Variants in ZSWIM6 observed in about 807,000 individuals in gnomAD.
The protein encoded by ZSWIM6 is zinc finger SWIM-type containing 6.
Under a neutral mutation model 113.2 loss-of-function variants are expected in ZSWIM6, and 9 were observed. The ratio of observed to expected loss-of-function variants is 0.08; its 90% CI spans 0.05 to 0.14. The LOEUF (loss-of-function observed/expected upper bound fraction) is 0.14, where lower values mean the gene tolerates loss of function less well. Among genes scored for constraint, ZSWIM6 ranks in the 10% least tolerant of loss-of-function variants. The pLI is 1.00. For missense variants in ZSWIM6, 1,162 were observed against 1,552.2 expected, an observed-to-expected ratio of 0.75 and a Z score of 4.22; for synonymous variants, 611 against 606.5, an observed-to-expected ratio of 1.01 and a Z score of -0.11.
At chr5:61,381,000 G>A (rs953297600) in intron 1 of ZSWIM6, among the ~76,000 whole-genome samples, 1 of 151,908 alleles carries the variant, frequency 6.6e-6, no homozygotes, top group African/African-American at 2.4e-5. Flanking sequence ...TGTAATCCCA[G>A]CACTTTGGGA....
intron 1 of ZSWIM6, among the ~76,000 whole-genome samples, chr5:61,419,001 T>C (rs987314952): frequency 6.6e-6 from 1 of 152,210 alleles, no homozygotes; most frequent in African/African-American, 2.4e-5. Flanking sequence ...TTTGTGTTTT[T>C]AGTAGAGACA....
At chr5:61,476,782 C>T (rs759663637) in intron 2 of ZSWIM6, among the ~76,000 whole-genome samples, 2 of 152,082 alleles carry the variant, frequency 1.3e-5, no homozygotes, top group African/African-American at 4.8e-5. Flanking sequence ...TTAAAGGAGA[C>T]GTATTGTAGA....
intron 2 of ZSWIM6, among the ~76,000 whole-genome samples, chr5:61,485,568 A>G (rs1321141477): frequency 6.6e-6 from 1 of 152,138 alleles, no homozygotes; most frequent in Non-Finnish European, 1.5e-5. Context: ...TGTTTAATCC[A>G]GAAACTCATG....
At chr5:61,413,953 G>A (rs1311444298) in intron 1 of ZSWIM6, among the ~76,000 whole-genome samples, 3 of 151,796 alleles carry the variant, frequency 2.0e-5, no homozygotes, top group Admixed American at 6.6e-5. Flanking sequence ...GGGGTGGGGC[G>A]ACCTGATGTA....
chr5:61,436,200 T>TAAAA (rs566126712), intron 1 of ZSWIM6, among the ~76,000 whole-genome samples: 1 of 121,712 alleles, frequency 8.2e-6, no homozygotes, highest in African/African-American at 3.0e-5. Flanking sequence ...AGACTCTGTC[T>TAAAA]AAAAAAAAAA....
Position 61,545,041 on chromosome 5 carries a change from A to C in ZSWIM6, c.*724A>C, listed in dbSNP as rs1338582987. The C allele has an allele frequency of 6.6e-6, 1 of 151,012 alleles. No individual in the cohort carries two copies. The highest frequency in any genetic ancestry group is 1.5e-5 in the Non-Finnish European group (1 of 67,974). The allele number at this position is 151,012 out of a possible 1,614,324, so 9.4% of individuals were successfully genotyped here. A position where few individuals can be genotyped will look rare whatever the true frequency, so the allele number is the denominator to read the frequency against. On this transcript the variant is annotated 3_prime_UTR_variant, in exon 14 of 14. Coordinates refer to ENST00000252744, the MANE Select transcript of ZSWIM6 (RefSeq NM_020928.2). ...TATAAAAAATATTCTATGTAATGCA[A>C]AATACTTGAAGCTGCAGTAGCTTGG...
chr5:61,412,834 A>C (rs1377087071), intron 1 of ZSWIM6, among the ~76,000 whole-genome samples: 3 of 152,120 alleles, frequency 2.0e-5, no homozygotes, highest in African/African-American at 7.2e-5. Flanking sequence ...TTTATCATTA[A>C]AATTTATTTT....
At chr5:61,333,450 C>T (rs1270719265) in intron 1 of ZSWIM6, among the ~76,000 whole-genome samples, 6 of 152,064 alleles carry the variant, frequency 3.9e-5, no homozygotes, top group Non-Finnish European at 4.4e-5. Context: ...TTCTTTCTGG[C>T]CCCCGCCCCA....
intron 1 of ZSWIM6, among the ~76,000 whole-genome samples, chr5:61,357,439 A>T (rs1189780143): frequency 6.6e-6 from 1 of 152,058 alleles, no homozygotes; most frequent in Non-Finnish European, 1.5e-5. Context: ...CCATGGAAGC[A>T]ATGCAGCCAT....
At chr5:61,500,693 C>T (rs73107475) in intron 4 of ZSWIM6, among the ~76,000 whole-genome samples, 4,648 of 152,218 alleles carry the variant, frequency 0.031, 227 homozygotes, top group African/African-American at 0.11. Flanking sequence ...TAGCCAAATA[C>T]GTGCCATTGA....
chr5:61,332,354 AGCGGCGGCG>A lies in ZSWIM6; in HGVS notation c.92_100del (p.Gly31_Gly33del). On this transcript the variant is annotated inframe_deletion, in exon 1 of 14. Transcript: ENST00000252744. ...CGGCGGCGGCGGCGGCGGGGGCAGC[AGCGGCGGCG>A]GCGGCGGCGCGGGTGGCGGCTACAG... 3 of 1,005,024 alleles carry A rather than the reference AGCGGCGGCG, an allele frequency of 3.0e-6. No individual in the cohort carries two copies. The highest frequency in any genetic ancestry group is 3.6e-6 in the Non-Finnish European group (3 of 832,066). 62.3% of individuals were successfully genotyped at this position (1,005,024 alleles called of 1,614,324 possible).
At chr5:61,522,182 T>C (rs1749150246) in intron 5 of ZSWIM6, among the ~76,000 whole-genome samples, 1 of 152,016 alleles carries the variant, frequency 6.6e-6, no homozygotes, top group East Asian at 1.9e-4. Flanking sequence ...TTAAAAAACT[T>C]CCTCCCTTGG....
intron 1 of ZSWIM6, among the ~76,000 whole-genome samples, chr5:61,362,933 C>T (rs1579953813): frequency 6.6e-6 from 1 of 152,202 alleles, no homozygotes. Flanking sequence ...CAAGACTTAT[C>T]CCTAAAACAT....
intron 1 of ZSWIM6, among the ~76,000 whole-genome samples, chr5:61,337,437 C>T (rs1395344462): frequency 2.6e-5 from 4 of 152,196 alleles, no homozygotes; most frequent in Non-Finnish European, 5.9e-5. Flanking sequence ...TTGACACCAT[C>T]TTTTTCTGTC....
At chr5:61,382,075 C>T (rs143247389) in intron 1 of ZSWIM6, among the ~76,000 whole-genome samples, 64 of 152,222 alleles carry the variant, frequency 4.2e-4, no homozygotes, top group African/African-American at 1.5e-3. Context: ...TGGTCCTTTC[C>T]AGATGAATGC....
intron 1 of ZSWIM6, among the ~76,000 whole-genome samples, chr5:61,367,819 T>G (rs1330603042): frequency 6.6e-6 from 1 of 152,144 alleles, no homozygotes; most frequent in African/African-American, 2.4e-5. Context: ...ATTTATGAAG[T>G]ACATTTAAAA....
chr5:61,430,909 A>G (rs898329643), intron 1 of ZSWIM6, among the ~76,000 whole-genome samples: 19 of 152,352 alleles, frequency 1.2e-4, no homozygotes, highest in African/African-American at 4.6e-4. Context: ...TGTTTAGATC[A>G]TAGACTTGTG....
intron 9 of ZSWIM6, among the ~76,000 whole-genome samples, chr5:61,535,127 A>G (rs1438617758): frequency 6.6e-6 from 1 of 152,164 alleles, no homozygotes; most frequent in Non-Finnish European, 1.5e-5. Context: ...TTTACAAATC[A>G]AGATGCTCTG....
rs958594208 is a variant in ZSWIM6, at chr5:61,449,485, G to A, written c.677-23196G>A. Among the ~76,000 whole-genome samples, 8 of 152,104 alleles carry A rather than the reference G, an allele frequency of 5.3e-5. No homozygotes were observed. In the South Asian group the frequency reaches 1.0e-3, roughly 20 times the overall value. On this transcript the variant is annotated intron_variant, in intron 1 of 13. Coordinates refer to ENST00000252744, the MANE Select transcript of ZSWIM6 (RefSeq NM_020928.2). ...GCTCAAGCAGTCTTCCTGCCTCAGC[G>A]TCCTGAGTAGCTGAGATTGCAGATG...
Sources: gnomAD v4.1 joint callset for allele counts (sites outside exome capture counted in the v4.1 genomes callset) on GRCh38, gnomAD v4.1.1 for gene constraint, MANE v1.5 for transcripts, NCBI Gene and HGNC (gene_info 2026-07-23, HGNC 2026-07-21) for gene names.